RUBCN: variants seen among roughly 807,000 people sequenced by gnomAD.
RUBCN encodes the protein run domain Beclin-1-interacting and cysteine-rich domain-containing protein.
A neutral mutation model predicts 113.2 loss-of-function variants in RUBCN; 74 were observed. The observed-to-expected ratio is 0.65, with a 90% CI of 0.54 to 0.79. The LOEUF (loss-of-function observed/expected upper bound fraction) is 0.79, where lower values mean the gene tolerates loss of function less well. RUBCN is among the 30% of genes least tolerant of loss of function. RUBCN has a pLI of 0.00. For synonymous variants in RUBCN, 480 were observed against 490.0 expected (o/e 0.98, Z 0.27); for missense variants, 1,109 against 1,251.7 (o/e 0.89, Z 1.72).
intron 11 of RUBCN, among the ~76,000 whole-genome samples, chr3:197,687,299 G>T (rs1286727164): frequency 6.6e-6 from 1 of 152,188 alleles, no homozygotes; most frequent in African/African-American, 2.4e-5. Flanking sequence ...AAAGGGATGG[G>T]GGAGAAGGAA....
intron 9 of RUBCN, among the ~76,000 whole-genome samples, chr3:197,695,321 G>A (rs1387914949): frequency 6.6e-6 from 1 of 151,776 alleles, no homozygotes; most frequent in Non-Finnish European, 1.5e-5. Flanking sequence ...CCAAGCCAAG[G>A]AGTTCAAGAC....
chr3:197,692,906 T>C (rs1261391923), intron 11 of RUBCN, among the ~76,000 whole-genome samples: 2 of 152,238 alleles, frequency 1.3e-5, no homozygotes, highest in Non-Finnish European at 1.5e-5. Context: ...CATCACATTA[T>C]GTTATAATGG....
rs976137326 is a variant in RUBCN, at chr3:197,677,667, G to A, written c.2431-126C>T. The A allele has an allele frequency of 2.0e-5, 16 of 792,034 alleles. No individual in the cohort carries two copies. In the Admixed American group the frequency reaches 3.1e-4, roughly 15 times the overall value. The allele number at this position is 792,034 out of a possible 1,614,324, so 49.1% of individuals were successfully genotyped here. A position where few individuals can be genotyped will look rare whatever the true frequency, so the allele number is the denominator to read the frequency against. On this transcript the variant is annotated intron_variant, in intron 16 of 19. Coordinates refer to ENST00000296343, the MANE Select transcript of RUBCN (RefSeq NM_014687.4). ...TTGCATGCTGCACCCAGAGCAGACT[G>A]TCCTACGCTCTGACAACTGGCTCCA...
chr3:197,678,759 C>T (rs1720799359), intron 16 of RUBCN, among the ~76,000 whole-genome samples: 1 of 147,418 alleles, frequency 6.8e-6, no homozygotes, highest in Non-Finnish European at 1.5e-5. Context: ...CAACTGGCTC[C>T]AGACTGTCCT....
In RUBCN at chr3:197,669,777, G is replaced by T. The variant is rs920104920; in HGVS notation, c.*5241C>A. On this transcript the variant is annotated 3_prime_UTR_variant, in exon 20 of 20. Transcript: ENST00000296343. ...TTCTTCTGTGAGAATTTATTTATTT[G>T]GTCATTTATTTATGTATGTATGGAC... is the stretch of plus-strand genomic sequence containing the variant. Among the ~76,000 whole-genome samples the T allele has an allele frequency of 1.3e-5, 2 of 152,060 alleles. No homozygotes were observed. Among genetic ancestry groups the T allele is most frequent in the African/African-American group, 4.8e-5 (2 of 41,382 alleles).
chr3:197,684,569 C>T (rs1001671127), intron 11 of RUBCN, among the ~76,000 whole-genome samples: 6 of 151,972 alleles, frequency 3.9e-5, no homozygotes, highest in African/African-American at 1.5e-4. Flanking sequence ...AAACAAAGGA[C>T]TCAAATCTCT....
chr3:197,688,662 C>T (rs1722106946), intron 11 of RUBCN, among the ~76,000 whole-genome samples: 1 of 152,108 alleles, frequency 6.6e-6, no homozygotes, highest in African/African-American at 2.4e-5. Context: ...AAAAAAATAG[C>T]AACAACAAAA....
chr3:197,732,877 G>A (rs541164946), intron 1 of RUBCN, among the ~76,000 whole-genome samples: 133 of 152,286 alleles, frequency 8.7e-4, no homozygotes, highest in African/African-American at 3.1e-3. Flanking sequence ...ACTTGTGGGG[G>A]AGACCCTCGC....
At chr3:197,728,903 G>A (rs1208287192) in intron 1 of RUBCN, among the ~76,000 whole-genome samples, 2 of 152,188 alleles carry the variant, frequency 1.3e-5, no homozygotes, top group Admixed American at 1.3e-4. Flanking sequence ...AATGAGAATG[G>A]CAAGAAAGAT....
chr3:197,691,112 T>C lies in RUBCN; in HGVS notation c.1786+2603A>G, dbSNP rs184811808. ...GGCCAGTGACACTGACAGTCCGTTC[T>C]TTGATATGTGAGTCAGGTTAGATCC... On this transcript the variant is annotated intron_variant, in intron 11 of 19. Coordinates refer to ENST00000296343, the MANE Select transcript of RUBCN (RefSeq NM_014687.4). The C allele has an allele frequency of 1.0e-5, 13 of 1,289,672 alleles. No homozygotes were observed. In the East Asian group the frequency reaches 6.7e-4, roughly 66 times the overall value. 79.9% of individuals were successfully genotyped at this position (1,289,672 alleles called of 1,614,324 possible).
intron 11 of RUBCN, among the ~76,000 whole-genome samples, chr3:197,685,022 G>T (rs1303040463): frequency 1.3e-5 from 2 of 152,200 alleles, no homozygotes; most frequent in African/African-American, 4.8e-5. Flanking sequence ...GAGATGCCTG[G>T]TTACCAACAC....
At position 197,683,375 on chromosome 3, in the gene RUBCN, C is replaced by T; in HGVS notation, c.1912G>A (p.Glu638Lys). 6.2e-7 allele frequency: 1 copy of T among 1,614,226 alleles called. No homozygotes were observed. The highest frequency in any genetic ancestry group is 8.5e-7 in the Non-Finnish European group (1 of 1,180,048). ...GAGGCGGCTGGAAGCTGCATCCCCTCAAACTGCTTCAGGAGCCCCATGGCC... is the reference window on the plus strand; with the variant it reads ...GAGGCGGCTGGAAGCTGCATCCCCTTAAACTGCTTCAGGAGCCCCATGGCC... ...AVAMGLLKQF[E>K]GMQLPAASEL... The change falls in exon 13 of 20, where the codon GAG becomes AAG. Residue 638 changes from glutamate (E) to lysine (K), a missense_variant. Physicochemically the swap from Glu to Lys is moderately conservative, Grantham distance 56. Around this residue, in one of 3 missense-constraint regions of RUBCN, gnomAD observed 67 missense variants for 123.2 expected, o/e 0.54. Transcript: ENST00000296343. The surrounding 1 kb of genome is among the most constrained non-coding windows in gnomAD (Gnocchi z 4.6).
chr3:197,687,659 C>T (rs1560416026), intron 11 of RUBCN, among the ~76,000 whole-genome samples: 2 of 152,242 alleles, frequency 1.3e-5, no homozygotes, highest in Admixed American at 6.5e-5. Context: ...AAACAGCTCC[C>T]TCGGCACCTG....
At chr3:197,687,520 G>C (rs1721981848) in intron 11 of RUBCN, among the ~76,000 whole-genome samples, 1 of 152,202 alleles carries the variant, frequency 6.6e-6, no homozygotes, top group Non-Finnish European at 1.5e-5. Context: ...TTTGTGGTAG[G>C]GGGCACTGGA....
At chr3:197,737,169 C>G (rs1325955172), upstream of RUBCN, 1 of 206,840 alleles carries the variant, frequency 4.8e-6, no homozygotes, top group Non-Finnish European at 9.8e-6. Context: ...TCTCAGGAAT[C>G]CGTGCCGGGG....
intron 16 of RUBCN, among the ~76,000 whole-genome samples, chr3:197,679,471 C>T (rs1720924674): frequency 6.6e-6 from 1 of 151,248 alleles, no homozygotes; most frequent in African/African-American, 2.4e-5. Flanking sequence ...TGGCTCCAGA[C>T]TGTCCTACGC....
chr3:197,684,885 G>A (rs1480975404), intron 11 of RUBCN, among the ~76,000 whole-genome samples: 1 of 152,080 alleles, frequency 6.6e-6, no homozygotes, highest in Non-Finnish European at 1.5e-5. Flanking sequence ...TGTTAGAAGT[G>A]TCTGCAGTTT....
At position 197,718,089 on chromosome 3, in the gene RUBCN, A is replaced by G. The variant is rs1237589276; in HGVS notation, c.107T>C (p.Val36Ala). Residue 36 changes from valine to alanine, a missense_variant, in exon 2 of 20, where the codon GTG becomes GCG. By Grantham distance (64) the Val-to-Ala change is moderately conservative. Around this residue, in one of 3 missense-constraint regions of RUBCN, gnomAD observed 736 missense variants for 779.6 expected, o/e 0.94. Transcript: ENST00000296343. ...GCTGTTGGTTGATACCAAACCCTCC[A>G]CCGTCGTCTTCAAATTACCCAGCAA... ...WQLLGNLKTTVEGLVSTNSPN... is the reference protein window; with the variant it reads ...WQLLGNLKTTAEGLVSTNSPN... The G allele has an allele frequency of 6.2e-7, 1 of 1,614,110 alleles. No homozygotes were observed. Among genetic ancestry groups the G allele is most frequent in the South Asian group, 1.1e-5 (1 of 91,082 alleles).
chr3:197,729,034 CG>C (rs1727087104), intron 1 of RUBCN, among the ~76,000 whole-genome samples: 1 of 150,534 alleles, frequency 6.6e-6, no homozygotes, highest in Non-Finnish European at 1.5e-5. Flanking sequence ...GAGGCCGAGG[CG>C]GGCGGATCAC....
Sources: gnomAD v4.1 joint callset for allele counts (sites outside exome capture counted in the v4.1 genomes callset) on GRCh38, gnomAD v4.1.1 for gene constraint, gnomAD v4.1.1 regional missense constraint, Gnocchi (gnomAD v3.1) non-coding constraint, MANE v1.5 for transcripts, NCBI Gene and HGNC (gene_info 2026-07-23, HGNC 2026-07-21) for gene names.